HTR2C: variants seen among roughly 807,000 people sequenced by gnomAD.
HTR2C encodes 5-hydroxytryptamine (serotonin) receptor 2C, G protein-coupled.
In HTR2C, 5 loss-of-function variants were observed where a neutral mutation model predicts 21.0. The observed-to-expected ratio is 0.24, with a 90% CI of 0.12 to 0.50. HTR2C has a LOEUF of 0.50. HTR2C is among the 20% of genes least tolerant of loss of function. The probability of loss-of-function intolerance (pLI) is 0.98; values close to 1 mark genes in which losing one functional copy is unlikely to be tolerated. For missense variants in HTR2C, 271 were observed against 371.2 expected (o/e 0.73, Z 2.22); for synonymous variants, 150 against 145.3 (o/e 1.03, Z -0.23).
At position 114,744,971 on chromosome X, in the gene HTR2C, G is replaced by GA. The variant is rs782730343; in HGVS notation, c.349+13370dup. Among the ~76,000 whole-genome samples, 3 of 111,837 alleles carry GA rather than the reference G, an allele frequency of 2.7e-5. No homozygotes were observed. In the East Asian group the frequency reaches 8.4e-4, roughly 31 times the overall value. ...ATATAAACTCCCAAAGATTGCATAT[G>GA]AAAAAATGGTTAAACTGTTTAAATA... On this transcript the variant is annotated intron_variant, in intron 4 of 5. Coordinates refer to ENST00000276198, the MANE Select transcript of HTR2C (RefSeq NM_000868.4).
intron 2 of HTR2C, among the ~76,000 whole-genome samples, chrX:114,676,862 C>T (rs1249044041): frequency 8.9e-6 from 1 of 111,813 alleles, no homozygotes; most frequent in Non-Finnish European, 1.9e-5. Flanking sequence ...AACAGGTGGC[C>T]TGAGTGGGTG....
At chrX:114,765,967 T>G (rs1460415014) in intron 4 of HTR2C, among the ~76,000 whole-genome samples, 1 of 111,501 alleles carries the variant, frequency 9.0e-6, no homozygotes, top group Non-Finnish European at 1.9e-5. Context: ...TTCAAAGACT[T>G]GAAGGATTTT....
intron 5 of HTR2C, among the ~76,000 whole-genome samples, chrX:114,880,114 T>C (rs782674713): frequency 9.0e-5 from 10 of 110,597 alleles, no homozygotes; most frequent in Non-Finnish European, 1.5e-4. Context: ...GTGTTTAGTA[T>C]ATTTACAAAA....
chrX:114,606,886 AAG>A (rs1928469868), intron 1 of HTR2C, among the ~76,000 whole-genome samples: 3 of 110,497 alleles, frequency 2.7e-5, no homozygotes, highest in Admixed American at 9.5e-5. Flanking sequence ...TGAGTCCGAA[AAG>A]AGAGTCAGTG....
chrX:114,766,667 C>G (rs1256126738), intron 4 of HTR2C, among the ~76,000 whole-genome samples: 1 of 111,622 alleles, frequency 9.0e-6, no homozygotes, highest in Non-Finnish European at 1.9e-5. Context: ...GTACTCCTAA[C>G]AGAGTGCTTG....
intron 4 of HTR2C, among the ~76,000 whole-genome samples, chrX:114,756,843 C>T (rs1470159061): frequency 1.8e-5 from 2 of 111,069 alleles, no homozygotes; most frequent in African/African-American, 6.5e-5. Context: ...GAGAAAAGGG[C>T]ACATGTGATC....
chrX:114,795,964 G>A (rs2070289203), intron 4 of HTR2C, among the ~76,000 whole-genome samples: 1 of 111,604 alleles, frequency 9.0e-6, no homozygotes, highest in South Asian at 3.7e-4. Flanking sequence ...ACTGGGTGTT[G>A]GGATTGAAGG....
chrX:114,703,545 G>A (rs907294827), intron 2 of HTR2C, among the ~76,000 whole-genome samples: 17 of 111,373 alleles, frequency 1.5e-4, no homozygotes, highest in Non-Finnish European at 2.3e-4. Flanking sequence ...AGAATCTCTG[G>A]GACGCTTTCA....
chrX:114,755,256 A>C (rs904538915), intron 4 of HTR2C, among the ~76,000 whole-genome samples: 8 of 109,761 alleles, frequency 7.3e-5, no homozygotes, highest in African/African-American at 2.3e-4. Flanking sequence ...AAAAAAAAAA[A>C]ACACGGAAAT....
At chrX:114,694,773 C>T (rs1404805429) in intron 2 of HTR2C, among the ~76,000 whole-genome samples, 1 of 110,980 alleles carries the variant, frequency 9.0e-6, no homozygotes, top group Non-Finnish European at 1.9e-5. Context: ...GGATTACAGG[C>T]GTGAGCCACC....
chrX:114,667,226 A>T (rs1381583396), intron 2 of HTR2C, among the ~76,000 whole-genome samples: 5 of 111,418 alleles, frequency 4.5e-5, no homozygotes, highest in Admixed American at 9.6e-5. Flanking sequence ...TTAGAGAAAA[A>T]CAATAAAAAT....
intron 4 of HTR2C, among the ~76,000 whole-genome samples, chrX:114,741,187 A>T (rs782615329): frequency 9.1e-6 from 1 of 110,109 alleles, no homozygotes; most frequent in African/African-American, 3.3e-5. Context: ...CTCCTTGGGG[A>T]AATAGTCAAT....
chrX:114,769,926 AT>A (rs1556436651), intron 4 of HTR2C, among the ~76,000 whole-genome samples: 1 of 110,968 alleles, frequency 9.0e-6, no homozygotes, highest in African/African-American at 3.3e-5. Flanking sequence ...ACTTCTATCT[AT>A]TTTTTTATTT....
chrX:114,749,949 A>G (rs1200706961), intron 4 of HTR2C, among the ~76,000 whole-genome samples: 5 of 111,887 alleles, frequency 4.5e-5, no homozygotes, highest in African/African-American at 6.5e-5. Context: ...TTCAATTCCT[A>G]TACAGATAAC....
Position 114,848,167 on chromosome X carries a change from A to G in HTR2C, c.514A>G (p.Ile172Val), listed in dbSNP as rs782471143. 17 of 1,209,675 alleles carry G rather than the reference A, an allele frequency of 1.4e-5. No homozygotes were observed. The highest frequency in any genetic ancestry group is 1.5e-5 in the Non-Finnish European group (13 of 894,634). ...HSRFNSRTKAIMKIAIVWAIS... is the reference protein window; with the variant it reads ...HSRFNSRTKAVMKIAIVWAIS... Reference sequence around the variant, plus strand: ...CCGTTTCAATTCGCGGACTAAGGCCATCATGAAGATTGCTATTGTTTGGGC... The same window carrying G: ...CCGTTTCAATTCGCGGACTAAGGCCGTCATGAAGATTGCTATTGTTTGGGC... Residue 172 changes from isoleucine to valine, a missense_variant, in exon 5 of 6, where the codon ATC becomes GTC. This residue lies in a region of HTR2C where 192 missense variants were observed against 247.2 expected (regional missense o/e 0.78). Transcript: ENST00000276198.
chrX:114,781,608 C>T (rs1199852894), intron 4 of HTR2C, among the ~76,000 whole-genome samples: 2 of 109,518 alleles, frequency 1.8e-5, no homozygotes, highest in African/African-American at 6.7e-5. Context: ...TCAAGTAATC[C>T]TCCTGCCCCA....
intron 2 of HTR2C, among the ~76,000 whole-genome samples, chrX:114,628,913 CT>C (rs1468843921): frequency 2.7e-5 from 3 of 112,040 alleles, no homozygotes; most frequent in Non-Finnish European, 5.6e-5. Flanking sequence ...ACTACAACTG[CT>C]TTTCAAAACT....
chrX:114,898,582 A>G (rs904925309), intron 5 of HTR2C, among the ~76,000 whole-genome samples: 3 of 111,868 alleles, frequency 2.7e-5, no homozygotes, highest in African/African-American at 9.8e-5. Context: ...ATGGTATAAG[A>G]AAGGGGTCCA....
intron 4 of HTR2C, among the ~76,000 whole-genome samples, chrX:114,816,266 T>TGATAGATAGATAGATAGATA (rs10526392): frequency 0.035 from 3,559 of 102,893 alleles, 164 homozygotes; most frequent in African/African-American, 0.11. Flanking sequence ...GATAGATAGA[T>TGATAGATAGATAGATAGATA]GATAGATAGA....
Sources: allele counts gnomAD v4.1 joint callset (sites outside exome capture counted in the v4.1 genomes callset), GRCh38; gene constraint gnomAD v4.1.1; regional missense constraint gnomAD v4.1.1; transcripts MANE v1.5; gene names NCBI Gene and HGNC (gene_info 2026-07-23, HGNC 2026-07-21).